The following CABCOCO1 variants were observed in gnomAD, a reference collection of about 807,000 sequenced individuals.
CABCOCO1 encodes ciliary associated calcium binding coiled-coil 1.
Under a neutral mutation model 35.7 loss-of-function variants are expected in CABCOCO1, and 28 were observed. The observed-to-expected ratio is 0.78, with a 90% CI of 0.58 to 1.07. CABCOCO1 has a LOEUF of 1.07. CABCOCO1 is among the 50% of genes least tolerant of loss of function. The pLI is 0.00. For synonymous variants in CABCOCO1, 95 were observed against 100.1 expected, an observed-to-expected ratio of 0.95 and a Z score of 0.30; for missense variants, 326 against 309.2, an observed-to-expected ratio of 1.05 and a Z score of -0.41.
chr10:61,733,952 G>GC (rs1348393252), intron 5 of CABCOCO1, among the ~76,000 whole-genome samples: 1 of 151,728 alleles, frequency 6.6e-6, no homozygotes, highest in Non-Finnish European at 1.5e-5. Flanking sequence ...AATCCCAAAA[G>GC]AAAAAATAAC....
intron 5 of CABCOCO1, among the ~76,000 whole-genome samples, chr10:61,705,114 TGTTTGAA>T: frequency 6.6e-6 from 1 of 152,218 alleles, no homozygotes; most frequent in South Asian, 2.1e-4. Context: ...GGTGCTTCAG[TGTTTGAA>T]GCTAAGTCTT....
At chr10:61,709,261 G>A (rs1036347917) in intron 5 of CABCOCO1, among the ~76,000 whole-genome samples, 1 of 151,858 alleles carries the variant, frequency 6.6e-6, no homozygotes. Flanking sequence ...CTTTTTAATG[G>A]GATACATCAA....
chr10:61,755,804 T>A lies in CABCOCO1; in HGVS notation c.553-4255T>A, dbSNP rs72831342. Among the ~76,000 whole-genome samples, 711 of 152,142 alleles carry A rather than the reference T, an allele frequency of 4.7e-3. 6 individuals carry two copies. The highest frequency in any genetic ancestry group is 5.9e-3 in the Non-Finnish European group (399 of 67,952). ...ACATCAGAGCTCATACTATTGATAA[T>A]GTTAACACGGAAAATAGAAAAAAGA... is the stretch of plus-strand genomic sequence containing the variant. On this transcript the variant is annotated intron_variant, in intron 5 of 7. Coordinates refer to ENST00000648843, the MANE Select transcript of CABCOCO1 (RefSeq NM_001366906.2).
chr10:61,761,148 A>G, intron 7 of CABCOCO1, 145 bp downstream of exon 7: 3 of 834,850 alleles, frequency 3.6e-6, no homozygotes, highest in Non-Finnish European at 5.5e-6. Flanking sequence ...CATAATTCTC[A>G]GTTGAGTCAT....
intron 5 of CABCOCO1, among the ~76,000 whole-genome samples, chr10:61,726,076 G>T (rs889836687): frequency 6.6e-6 from 1 of 152,114 alleles, no homozygotes; most frequent in South Asian, 2.1e-4. Context: ...ACTACAGTGC[G>T]ATTTTTTAAA....
chr10:61,679,996 A>T (rs1839660135), intron 2 of CABCOCO1, among the ~76,000 whole-genome samples: 1 of 152,054 alleles, frequency 6.6e-6, no homozygotes, highest in African/African-American at 2.4e-5. Context: ...TAAAATGTAC[A>T]TAATTGGAAT....
intron 5 of CABCOCO1, among the ~76,000 whole-genome samples, chr10:61,691,558 T>C (rs1840141886): frequency 6.6e-6 from 1 of 152,196 alleles, no homozygotes; most frequent in African/African-American, 2.4e-5. Flanking sequence ...GTTTGTTACA[T>C]AGGTATACAC....
intron 5 of CABCOCO1, among the ~76,000 whole-genome samples, chr10:61,713,193 T>C (rs1050610937): frequency 6.6e-6 from 1 of 152,182 alleles, no homozygotes; most frequent in South Asian, 2.1e-4. Flanking sequence ...GAGCAGTGGT[T>C]TGTAGTTCTC....
At chr10:61,685,621 C>A (rs1839933477) in intron 3 of CABCOCO1, among the ~76,000 whole-genome samples, 1 of 152,158 alleles carries the variant, frequency 6.6e-6, no homozygotes, top group African/African-American at 2.4e-5. Context: ...AGTGCAGTGG[C>A]ACCATCCCAG....
At chr10:61,692,339 T>C (rs1840171690) in intron 5 of CABCOCO1, among the ~76,000 whole-genome samples, 1 of 152,104 alleles carries the variant, frequency 6.6e-6, no homozygotes, top group Non-Finnish European at 1.5e-5. Flanking sequence ...CTGGATGGGG[T>C]TGCTTGTTTT....
At chr10:61,682,941 A>G (rs1278229564) in intron 3 of CABCOCO1, among the ~76,000 whole-genome samples, 1 of 134,194 alleles carries the variant, frequency 7.5e-6, no homozygotes. Context: ...GCCACGCTGG[A>G]GTGCAGTGGT....
intron 5 of CABCOCO1, among the ~76,000 whole-genome samples, chr10:61,701,219 A>G (rs762025350): frequency 1.4e-4 from 21 of 152,230 alleles, no homozygotes; most frequent in Non-Finnish European, 1.6e-4. Flanking sequence ...AGCTTAAATT[A>G]CCAAAGTTTT....
At chr10:61,725,081 T>C (rs12355984) in intron 5 of CABCOCO1, among the ~76,000 whole-genome samples, 61,296 of 152,090 alleles carry the variant, frequency 0.4, 14,452 homozygotes, top group Middle Eastern at 0.54. Context: ...CTTTCTCTTA[T>C]TGGCGATCAT....
chr10:61,689,942 G>A (rs1330741868), intron 4 of CABCOCO1, among the ~76,000 whole-genome samples: 1 of 151,712 alleles, frequency 6.6e-6, no homozygotes, highest in African/African-American at 2.4e-5. Flanking sequence ...TAGTCTTTAG[G>A]GTAAGAACTG....
chr10:61,763,000 C>G (rs1326332790), intron 7 of CABCOCO1, among the ~76,000 whole-genome samples: 1 of 152,016 alleles, frequency 6.6e-6, no homozygotes, highest in Non-Finnish European at 1.5e-5. Context: ...GTTCCTGGCT[C>G]TAAGAACTGC....
At chr10:61,670,064 G>A (rs563330703) in intron 1 of CABCOCO1, among the ~76,000 whole-genome samples, 1 of 152,172 alleles carries the variant, frequency 6.6e-6, no homozygotes, top group East Asian at 1.9e-4. Context: ...ATCAGATGAT[G>A]AAGATGAATT....
At chr10:61,692,108 C>G (rs1840162951) in intron 5 of CABCOCO1, among the ~76,000 whole-genome samples, 1 of 152,094 alleles carries the variant, frequency 6.6e-6, no homozygotes, top group South Asian at 2.1e-4. Flanking sequence ...ACACTCCCAC[C>G]AACACTGTAA....
intron 5 of CABCOCO1, among the ~76,000 whole-genome samples, chr10:61,724,782 C>T (rs1841103394): frequency 6.6e-6 from 1 of 152,100 alleles, no homozygotes; most frequent in Non-Finnish European, 1.5e-5. Flanking sequence ...ATATCTTCAG[C>T]ATCTCATACA....
At chr10:61,696,957 G>C (rs1564538910) in intron 5 of CABCOCO1, among the ~76,000 whole-genome samples, 1 of 151,996 alleles carries the variant, frequency 6.6e-6, no homozygotes, top group Non-Finnish European at 1.5e-5. Flanking sequence ...TCAAGGACCT[G>C]CAAAAAATAT....
Sources: allele counts gnomAD v4.1 joint callset (sites outside exome capture counted in the v4.1 genomes callset), GRCh38; gene constraint gnomAD v4.1.1; transcripts MANE v1.5; gene names NCBI Gene and HGNC (gene_info 2026-07-23, HGNC 2026-07-21).